Variants in CAMTA1 observed in about 807,000 individuals in gnomAD.
CAMTA1 encodes the protein calmodulin binding transcription activator 1.
Under a neutral mutation model 170.9 loss-of-function variants are expected in CAMTA1, and 27 were observed. That is an observed-to-expected ratio of 0.16 (90% CI 0.12 to 0.22). CAMTA1 has a LOEUF of 0.22. Among genes scored for constraint, CAMTA1 ranks in the 10% least tolerant of loss-of-function variants. CAMTA1 has a pLI of 1.00. For synonymous variants in CAMTA1, 833 were observed against 891.5 expected, an observed-to-expected ratio of 0.93 and a Z score of 1.17; for missense variants, 1,619 against 2,217.2, an observed-to-expected ratio of 0.73 and a Z score of 5.42.
At chr1:7,398,191 CTCTATATATATATATA>C (rs1353435543) in intron 5 of CAMTA1, among the ~76,000 whole-genome samples, 82 of 26,904 alleles carry the variant, frequency 3.0e-3, no homozygotes, top group Middle Eastern at 0.024. Context: ...CTCTCTCTCT[CTCTATATATATATATA>C]TATATATATA....
intron 5 of CAMTA1, among the ~76,000 whole-genome samples, chr1:7,317,774 A>G (rs1475855054): frequency 1.3e-5 from 2 of 152,266 alleles, no homozygotes; most frequent in African/African-American, 4.8e-5. Flanking sequence ...ACAAGGGGCT[A>G]GAGGGCATAA....
At chr1:7,231,104 C>G (rs1032416279) in intron 4 of CAMTA1, among the ~76,000 whole-genome samples, 1 of 152,058 alleles carries the variant, frequency 6.6e-6, no homozygotes, top group Admixed American at 6.5e-5. Context: ...GGGATGAGAG[C>G]CCCGGTGGCT....
At chr1:6,809,677 G>A (rs868782686) in intron 1 of CAMTA1, among the ~76,000 whole-genome samples, 4 of 152,092 alleles carry the variant, frequency 2.6e-5, no homozygotes, top group East Asian at 3.9e-4. Flanking sequence ...CAGAGAAGGG[G>A]CCTGAGGGCA....
intron 3 of CAMTA1, among the ~76,000 whole-genome samples, chr1:6,855,927 A>T (rs186492990): frequency 1.3e-5 from 2 of 152,302 alleles, no homozygotes; most frequent in East Asian, 3.9e-4. Flanking sequence ...TGCATGGCCA[A>T]GAAGTTGCTG....
intron 1 of CAMTA1, among the ~76,000 whole-genome samples, chr1:6,809,834 C>A (rs1007959586): frequency 6.6e-6 from 1 of 151,850 alleles, no homozygotes; most frequent in Non-Finnish European, 1.5e-5. Flanking sequence ...GGTTGTCAGT[C>A]GTAATGCTGC....
At chr1:7,350,477 A>G (rs1435317328) in intron 5 of CAMTA1, among the ~76,000 whole-genome samples, 1 of 152,208 alleles carries the variant, frequency 6.6e-6, no homozygotes, top group Non-Finnish European at 1.5e-5. Context: ...AAAGAACTCA[A>G]GGTGGAAAAG....
chr1:7,666,849 G>A (rs1038409226), intron 9 of CAMTA1, among the ~76,000 whole-genome samples: 79 of 152,262 alleles, frequency 5.2e-4, no homozygotes, highest in African/African-American at 1.7e-3. Flanking sequence ...TGGTGTGACC[G>A]TGTTTCTGAC....
chr1:7,287,380 G>C (rs1378048817), intron 5 of CAMTA1, among the ~76,000 whole-genome samples: 2 of 152,236 alleles, frequency 1.3e-5, no homozygotes, highest in Non-Finnish European at 2.9e-5. Flanking sequence ...AGTCATCTGA[G>C]AGGGAAGACC....
rs1296074091 is a variant in CAMTA1 at position 7,681,173 on chromosome 1, C to T, written c.2914+3440C>T. 1.3e-5 allele frequency among the ~76,000 whole-genome samples: 2 copies of T among 152,180 alleles called. No individual in the cohort carries two copies. Among genetic ancestry groups the T allele is most frequent in the Non-Finnish European group, 2.9e-5 (2 of 68,028 alleles). ...TTCCCCTGCGCCCCACTGTGAGCTC[C>T]AGGGTCAAAGGCCCTGTCTGCTGGA... On this transcript the variant is annotated intron_variant, in intron 11 of 22. Coordinates refer to ENST00000303635, the MANE Select transcript of CAMTA1 (RefSeq NM_015215.4). This position sits in a 1 kb window ranked among gnomAD's most constrained non-coding sequence, Gnocchi z 4.6.
chr1:6,904,337 A>C (rs1395699811), intron 3 of CAMTA1, among the ~76,000 whole-genome samples: 1 of 152,176 alleles, frequency 6.6e-6, no homozygotes, highest in Non-Finnish European at 1.5e-5. Context: ...GCCCTGGGAC[A>C]CCGTCTTCCT....
chr1:7,090,578 C>G (rs1287480353), intron 3 of CAMTA1, among the ~76,000 whole-genome samples: 1 of 152,196 alleles, frequency 6.6e-6, no homozygotes. Context: ...ATGTTGATGT[C>G]ACTCACTGGC....
rs911290024 is a variant in CAMTA1 at position 7,195,586 on chromosome 1, G to T, written c.303-53905G>T. On this transcript the variant is annotated intron_variant, in intron 4 of 22. Transcript: ENST00000303635. The surrounding 1 kb of genome is among the most constrained non-coding windows in gnomAD (Gnocchi z 4.1). Reference sequence around the variant, plus strand: ...GTGGTTGGCACTGTGACACTCTCCCGCCACACATGGCACACTCACCTTCAG... The same window carrying T: ...GTGGTTGGCACTGTGACACTCTCCCTCCACACATGGCACACTCACCTTCAG... Among the ~76,000 whole-genome samples the T allele has an allele frequency of 6.6e-6, 1 of 152,140 alleles. No individual in the cohort carries two copies. Among genetic ancestry groups the T allele is most frequent in the African/African-American group, 2.4e-5 (1 of 41,420 alleles).
At chr1:7,466,567 C>G (rs751810603) in intron 5 of CAMTA1, among the ~76,000 whole-genome samples, 3 of 152,132 alleles carry the variant, frequency 2.0e-5, no homozygotes, top group Non-Finnish European at 2.9e-5. Context: ...GAGCTGGTGG[C>G]ATTTCTCTCT....
chr1:7,759,165 G>GAA (rs888590280), intron 22 of CAMTA1, among the ~76,000 whole-genome samples: 41 of 151,986 alleles, frequency 2.7e-4, no homozygotes, highest in African/African-American at 9.6e-4. Flanking sequence ...GAAAAGAAAA[G>GAA]AAAAGAAAAA....
chr1:7,557,968 T>G (rs2094902189), intron 6 of CAMTA1, among the ~76,000 whole-genome samples: 1 of 152,150 alleles, frequency 6.6e-6, no homozygotes, highest in South Asian at 2.1e-4. Context: ...CATCTTTACC[T>G]CGCGGTGTGG....
chr1:7,661,575 T>C (rs2095957858), intron 7 of CAMTA1, 151 bp from the exon 8 acceptor site: 2 of 848,984 alleles, frequency 2.4e-6, no homozygotes. Context: ...CTTCCCCTCC[T>C]CCTCCCCTAC....
At chr1:7,505,462 C>T (rs1163834528) in intron 6 of CAMTA1, among the ~76,000 whole-genome samples, 1 of 152,188 alleles carries the variant, frequency 6.6e-6, no homozygotes, top group Non-Finnish European at 1.5e-5. Context: ...AGCCCACCCT[C>T]TCCACGGCCC....
intron 5 of CAMTA1, among the ~76,000 whole-genome samples, chr1:7,262,841 C>T (rs1408488117): frequency 1.3e-5 from 2 of 152,210 alleles, no homozygotes; most frequent in African/African-American, 4.8e-5. Context: ...TGCTGCAGCA[C>T]TTCTGGTGTC....
At chr1:7,397,300 A>T (rs904962072) in intron 5 of CAMTA1, among the ~76,000 whole-genome samples, 1 of 151,964 alleles carries the variant, frequency 6.6e-6, no homozygotes, top group African/African-American at 2.4e-5. Context: ...ATAGTCTCTT[A>T]TGATCCTTTG....
Sources: gnomAD v4.1 joint callset for allele counts (sites outside exome capture counted in the v4.1 genomes callset) on GRCh38, gnomAD v4.1.1 for gene constraint, Gnocchi (gnomAD v3.1) non-coding constraint, MANE v1.5 for transcripts, NCBI Gene and HGNC (gene_info 2026-07-23, HGNC 2026-07-21) for gene names.